The following SEC24A variants were observed in gnomAD, a reference collection of about 807,000 sequenced individuals.
SEC24A encodes SEC24 homolog A, COPII component, also known as protein transport protein Sec24A.
In SEC24A, 93 loss-of-function variants were observed where a neutral mutation model predicts 129.4. That is an observed-to-expected ratio of 0.72 (90% CI 0.61 to 0.85). The LOEUF (loss-of-function observed/expected upper bound fraction) is 0.85. Ranked by LOEUF, SEC24A falls within the 40% of genes least tolerant of loss-of-function variation. SEC24A has a pLI of 0.00. For synonymous variants in SEC24A, 460 were observed against 467.3 expected, an observed-to-expected ratio of 0.98 and a Z score of 0.20; for missense variants, 1,264 against 1,307.4, an observed-to-expected ratio of 0.97 and a Z score of 0.51.
chr5:134,697,045 T>C (rs1751847518), intron 13 of SEC24A, 81 bp from the exon 14 acceptor site: 1 of 753,208 alleles, frequency 1.3e-6, no homozygotes, highest in African/African-American at 1.8e-5. Context: ...GTTAACATCA[T>C]GATGTATGTA....
intron 2 of SEC24A, among the ~76,000 whole-genome samples, chr5:134,662,439 C>T (rs777149724): frequency 2.6e-5 from 4 of 152,134 alleles, no homozygotes; most frequent in Non-Finnish European, 5.9e-5. Flanking sequence ...CAGGTGTGAG[C>T]CAATATTTCT....
chr5:134,681,442 TTGTGTGTGTGTG>T (rs34487329), intron 8 of SEC24A, among the ~76,000 whole-genome samples: 11 of 143,788 alleles, frequency 7.7e-5, no homozygotes, highest in Non-Finnish European at 1.1e-4. Flanking sequence ...GTTTTATTGT[TTGTGTGTGTGTG>T]TGTGTGTGTG....
chr5:134,649,275 A>C, intron 1 of SEC24A, 102 bp downstream of exon 1: 2 of 830,120 alleles, frequency 2.4e-6, no homozygotes, highest in Non-Finnish European at 3.6e-6. Flanking sequence ...TGACCTCCTT[A>C]CCGGGTTCTG....
chr5:134,663,190 G>A (rs774467275), intron 2 of SEC24A, among the ~76,000 whole-genome samples: 3 of 151,916 alleles, frequency 2.0e-5, no homozygotes, highest in South Asian at 2.1e-4. Flanking sequence ...CTATCCTCCC[G>A]CCTCACCTCC....
chr5:134,687,327 C>T (rs1247771087), intron 10 of SEC24A, among the ~76,000 whole-genome samples: 1 of 152,106 alleles, frequency 6.6e-6, no homozygotes. Flanking sequence ...TGATCTAATA[C>T]CTAGTTTATT....
intron 3 of SEC24A, among the ~76,000 whole-genome samples, chr5:134,669,120 A>C (rs1274357396): frequency 6.6e-6 from 1 of 152,036 alleles, no homozygotes; most frequent in Non-Finnish European, 1.5e-5. Context: ...TGGTTGCCAC[A>C]GTATTACTTT....
intron 15 of SEC24A, among the ~76,000 whole-genome samples, chr5:134,700,199 G>C (rs1421428154): frequency 2.0e-5 from 3 of 151,738 alleles, no homozygotes; most frequent in Admixed American, 2.0e-4. Context: ...GTGTAGAGTG[G>C]TAATTTTCTT....
Position 134,683,777 on chromosome 5 carries a change from C to T in SEC24A, c.1491+1295C>T, listed in dbSNP as rs74969277. ...TTAGCACTTTACATTTTATAAAGCA[C>T]GTACACTTTTGATCAGCACAAACAG... On this transcript the variant is annotated intron_variant, in intron 9 of 22. Coordinates refer to ENST00000398844, the MANE Select transcript of SEC24A (RefSeq NM_021982.3). Among the ~76,000 whole-genome samples, 52 of 152,254 alleles carry T rather than the reference C, an allele frequency of 3.4e-4. No homozygotes were observed. In the East Asian group the frequency reaches 9.8e-3, roughly 29 times the overall value.
At chr5:134,700,118 A>C (rs1443220991) in intron 15 of SEC24A, among the ~76,000 whole-genome samples, 2 of 151,652 alleles carry the variant, frequency 1.3e-5, no homozygotes. Context: ...TTAAATAAAT[A>C]TTATTGCTCT....
At chr5:134,711,739 C>T (rs972948897) in intron 18 of SEC24A, among the ~76,000 whole-genome samples, 3 of 150,126 alleles carry the variant, frequency 2.0e-5, no homozygotes, top group Non-Finnish European at 3.0e-5. Flanking sequence ...CCATGTTGGC[C>T]AGGCTGGTTT....
intron 8 of SEC24A, among the ~76,000 whole-genome samples, chr5:134,680,279 G>A (rs1751220178): frequency 6.6e-6 from 1 of 152,232 alleles, no homozygotes; most frequent in Non-Finnish European, 1.5e-5. Flanking sequence ...GGGTATGCCA[G>A]TATCCACAGT....
intron 8 of SEC24A, 77 bp downstream of exon 8, chr5:134,679,805 T>TAAA: frequency 7.5e-6 from 7 of 932,806 alleles, no homozygotes; most frequent in Non-Finnish European, 8.5e-6. Context: ...AATGCACAGT[T>TAAA]AAAAAAAAAA....
At chr5:134,716,977 T>C (rs1205296094) in intron 19 of SEC24A, among the ~76,000 whole-genome samples, 1 of 149,598 alleles carries the variant, frequency 6.7e-6, no homozygotes, top group Non-Finnish European at 1.5e-5. Context: ...CCTCCCAGGT[T>C]CAAAGAATTC....
chr5:134,688,429 A>C (rs1751522390), intron 11 of SEC24A, 130 bp downstream of exon 11: 2 of 631,396 alleles, frequency 3.2e-6, no homozygotes, highest in Non-Finnish European at 5.6e-6. Context: ...TGATTGTTGG[A>C]GTTGTAAGAG....
chr5:134,696,594 G>T (rs968958144), intron 13 of SEC24A, among the ~76,000 whole-genome samples: 1 of 152,018 alleles, frequency 6.6e-6, no homozygotes, highest in African/African-American at 2.4e-5. Flanking sequence ...CGCCTCCTGG[G>T]TTCATGCCAT....
chr5:134,715,227 G>T, intron 19 of SEC24A, 66 bp downstream of exon 19: 1 of 1,288,160 alleles, frequency 7.8e-7, no homozygotes, highest in Non-Finnish European at 1.1e-6. Flanking sequence ...GTCCAGTACA[G>T]AAATGAGGAA....
At chr5:134,690,602 A>T (rs982964854) in intron 11 of SEC24A, among the ~76,000 whole-genome samples, 8 of 152,202 alleles carry the variant, frequency 5.3e-5, no homozygotes, top group Admixed American at 2.6e-4. Context: ...GGCATGGGCC[A>T]CCACACCTGG....
At chr5:134,655,132 C>T (rs537431229) in intron 1 of SEC24A, among the ~76,000 whole-genome samples, 4 of 152,096 alleles carry the variant, frequency 2.6e-5, no homozygotes, top group African/African-American at 7.2e-5. Context: ...CCACCGCACC[C>T]GGCCACATGA....
chr5:134,710,764 G>A (rs1166886619), intron 18 of SEC24A, among the ~76,000 whole-genome samples: 1 of 152,162 alleles, frequency 6.6e-6, no homozygotes, highest in Non-Finnish European at 1.5e-5. Context: ...GGTGGAGTAG[G>A]CTTATTTATC....
Sources: allele counts gnomAD v4.1 joint callset (sites outside exome capture counted in the v4.1 genomes callset), GRCh38; gene constraint gnomAD v4.1.1; transcripts MANE v1.5; gene names NCBI Gene and HGNC (gene_info 2026-07-23, HGNC 2026-07-21).